The following CNTNAP2 variants were observed in gnomAD, a reference collection of about 807,000 sequenced individuals.
CNTNAP2 encodes contactin-associated protein-like 2.
A neutral mutation model predicts 155.2 loss-of-function variants in CNTNAP2; 98 were observed. The ratio of observed to expected loss-of-function variants is 0.63; its 90% confidence interval spans 0.54 to 0.75. CNTNAP2 has a LOEUF of 0.75. Ranked by LOEUF, CNTNAP2 falls within the 30% of genes least tolerant of loss-of-function variation. CNTNAP2 has a pLI of 0.00. For synonymous variants in CNTNAP2, 651 were observed against 631.2 expected, an observed-to-expected ratio of 1.03 and a Z score of -0.47; for missense variants, 1,727 against 1,688.1, an observed-to-expected ratio of 1.02 and a Z score of -0.40.
At chr7:147,345,898 A>T (rs1465590099) in intron 9 of CNTNAP2, among the ~76,000 whole-genome samples, 2 of 152,192 alleles carry the variant, frequency 1.3e-5, no homozygotes, top group Non-Finnish European at 2.9e-5. Context: ...ACCCTCAAAG[A>T]GATGGCAATT....
At chr7:147,780,337 G>A (rs149349035) in intron 13 of CNTNAP2, among the ~76,000 whole-genome samples, 60 of 152,178 alleles carry the variant, frequency 3.9e-4, no homozygotes, top group African/African-American at 1.3e-3. Flanking sequence ...ATTAGTATAT[G>A]CATCCATACT....
chr7:147,101,890 A>C (rs995738526), intron 4 of CNTNAP2, among the ~76,000 whole-genome samples: 1 of 152,134 alleles, frequency 6.6e-6, no homozygotes, highest in Non-Finnish European at 1.5e-5. Context: ...GTTTTGAAAG[A>C]AGCAACAATT....
chr7:148,306,735 C>T (rs1050606293), intron 21 of CNTNAP2, among the ~76,000 whole-genome samples: 1 of 151,850 alleles, frequency 6.6e-6, no homozygotes, highest in African/African-American at 2.4e-5. Context: ...GCCTCTTTTT[C>T]CTTCAAGTAG....
chr7:147,638,631 A>G (rs973019322), intron 12 of CNTNAP2, among the ~76,000 whole-genome samples: 1 of 152,156 alleles, frequency 6.6e-6, no homozygotes, highest in African/African-American at 2.4e-5. Context: ...TGAAGAGAAC[A>G]TTTGTTGACA....
intron 1 of CNTNAP2, among the ~76,000 whole-genome samples, chr7:146,638,536 G>A (rs1032757253): frequency 7.8e-6 from 1 of 128,282 alleles, no homozygotes; most frequent in Non-Finnish European, 1.6e-5. Flanking sequence ...CCAGGCTGGA[G>A]TACAGTGGTT....
intron 13 of CNTNAP2, among the ~76,000 whole-genome samples, chr7:147,882,428 T>A (rs1248730513): frequency 1.3e-5 from 2 of 152,224 alleles, no homozygotes; most frequent in Non-Finnish European, 2.9e-5. Context: ...ATAGTGGACA[T>A]CTGAATCAGC....
At chr7:147,634,055 A>C (rs886095567) in intron 12 of CNTNAP2, among the ~76,000 whole-genome samples, 1 of 152,224 alleles carries the variant, frequency 6.6e-6, no homozygotes, top group East Asian at 1.9e-4. Context: ...GAGATTCCCT[A>C]AAGAACTAAA....
chr7:146,396,871 C>T (rs555619435), intron 1 of CNTNAP2, among the ~76,000 whole-genome samples: 123 of 151,986 alleles, frequency 8.1e-4, no homozygotes, highest in African/African-American at 2.8e-3. Context: ...AACAATAATA[C>T]TTAACTTGTA....
chr7:147,775,080 T>TAC (rs1380768732), intron 13 of CNTNAP2, among the ~76,000 whole-genome samples: 1 of 150,812 alleles, frequency 6.6e-6, no homozygotes, highest in Non-Finnish European at 1.5e-5. Context: ...CCAAAGGCTG[T>TAC]AGCAGGCATT....
intron 1 of CNTNAP2, among the ~76,000 whole-genome samples, chr7:146,558,576 A>G (rs910233817): frequency 4.6e-5 from 7 of 151,924 alleles, no homozygotes; most frequent in African/African-American, 1.7e-4. Context: ...CTTTTTATTT[A>G]TTTATTATTA....
chr7:146,587,191 G>A lies in CNTNAP2; in HGVS notation c.98-187080G>A, dbSNP rs189582246. Among the ~76,000 whole-genome samples the A allele has an allele frequency of 2.4e-3, 359 of 152,232 alleles. 3 individuals are homozygous for A. Among genetic ancestry groups the A allele is most frequent in the African/African-American group, 7.7e-3 (318 of 41,544 alleles). On this transcript the variant is annotated intron_variant, in intron 1 of 23. Coordinates refer to ENST00000361727, the MANE Select transcript of CNTNAP2 (RefSeq NM_014141.6). ...ATGCCTGTGATGATATTGCCAGGCC[G>A]TTCCTTTCTTGGGGCCTGTGTATAC...
At chr7:148,213,467 G>T (rs1795582958) in intron 18 of CNTNAP2, among the ~76,000 whole-genome samples, 1 of 152,086 alleles carries the variant, frequency 6.6e-6, no homozygotes, top group African/African-American at 2.4e-5. Flanking sequence ...GCCAGGTTCT[G>T]TGCTCCTCAG....
At chr7:148,107,433 G>A (rs930959648) in intron 15 of CNTNAP2, among the ~76,000 whole-genome samples, 7 of 152,172 alleles carry the variant, frequency 4.6e-5, no homozygotes, top group South Asian at 2.1e-4. Flanking sequence ...TGTTGCAGCC[G>A]TGAAACAGGC....
Position 147,222,572 on chromosome 7 carries a change from A to G in CNTNAP2, c.1349-77569A>G, listed in dbSNP as rs537892218. Among the ~76,000 whole-genome samples, 60 of 152,234 alleles carry G rather than the reference A, an allele frequency of 3.9e-4. No individual in the cohort carries two copies. The South Asian group carries it at 0.012, about 31-fold the overall frequency. On this transcript the variant is annotated intron_variant, in intron 8 of 23. Transcript: ENST00000361727. ...ATAATCCAATATCCCTGCCATGTCT[A>G]TCTGTGAGGCTTGCTTTGGCCCTTC...
chr7:148,372,856 G>A (rs1337088437), intron 21 of CNTNAP2, among the ~76,000 whole-genome samples: 4 of 152,070 alleles, frequency 2.6e-5, no homozygotes, highest in African/African-American at 9.7e-5. Flanking sequence ...TTATACAGCT[G>A]TAAAAAATAT....
intron 1 of CNTNAP2, among the ~76,000 whole-genome samples, chr7:146,721,743 TATATATATTCTATATATAGTCTAC>T (rs1483083950): frequency 3.1e-5 from 4 of 128,844 alleles, no homozygotes; most frequent in Non-Finnish European, 6.2e-5. Context: ...ATATATTCTA[TATATATATTCTATATATAGTCTAC>T]ATATATATTC....
chr7:147,577,014 G>A (rs958928968), intron 12 of CNTNAP2, among the ~76,000 whole-genome samples: 7 of 152,052 alleles, frequency 4.6e-5, no homozygotes, highest in Non-Finnish European at 2.9e-5. Context: ...CATAGCCTAT[G>A]AGTTGACTAT....
chr7:146,808,918 G>C (rs1193514237), intron 2 of CNTNAP2, among the ~76,000 whole-genome samples: 1 of 152,174 alleles, frequency 6.6e-6, no homozygotes, highest in Non-Finnish European at 1.5e-5. Flanking sequence ...GTGTGAATGT[G>C]TTTGTGCTTG....
At chr7:146,756,307 C>T (rs1237970637) in intron 1 of CNTNAP2, among the ~76,000 whole-genome samples, 1 of 151,856 alleles carries the variant, frequency 6.6e-6, no homozygotes, top group African/African-American at 2.4e-5. Context: ...TAATACTGGC[C>T]TATGACTTTC....
Sources: allele counts gnomAD v4.1 joint callset (sites outside exome capture counted in the v4.1 genomes callset), GRCh38; gene constraint gnomAD v4.1.1; transcripts MANE v1.5; gene names NCBI Gene and HGNC (gene_info 2026-07-23, HGNC 2026-07-21).